KNDC1: variants seen among roughly 807,000 people sequenced by gnomAD.
KNDC1 encodes kinase non-catalytic C-lobe domain containing 1, also known as kinase non-catalytic C-lobe domain-containing protein 1.
A neutral mutation model predicts 172.8 loss-of-function variants in KNDC1; 106 were observed. The ratio of observed to expected loss-of-function variants is 0.61; its 90% CI spans 0.52 to 0.72. The LOEUF (loss-of-function observed/expected upper bound fraction) is 0.72. KNDC1 is among the 30% of genes least tolerant of loss of function. The pLI, the probability that KNDC1 is intolerant of heterozygous loss-of-function variation, is 0.00. For missense variants in KNDC1, 2,325 were observed against 2,394.5 expected (o/e 0.97, Z 0.61); for synonymous variants, 1,083 against 1,062.2 (o/e 1.02, Z -0.38).
chr10:133,205,475 G>A (rs1228007018), intron 17 of KNDC1, among the ~76,000 whole-genome samples: 8 of 152,352 alleles, frequency 5.3e-5, no homozygotes, highest in Middle Eastern at 3.4e-3. Context: ...GGCAGGTTCC[G>A]GAGAATCACA....
intron 26 of KNDC1, among the ~76,000 whole-genome samples, chr10:133,217,380 C>T (rs1338425835): frequency 6.6e-6 from 1 of 152,238 alleles, no homozygotes; most frequent in Non-Finnish European, 1.5e-5. Flanking sequence ...CGGGGTGAGC[C>T]CAGGATCACA....
In KNDC1 at chr10:133,207,397, G is replaced by A. The variant is rs772680626; in HGVS notation, c.3794+46G>A. 5 of 1,574,884 alleles carry A rather than the reference G, an allele frequency of 3.2e-6. No individual in the cohort carries two copies. The South Asian group carries it at 3.4e-5, about 11-fold the overall frequency. ...ACCCGGAAAAGGAGACGTAGCCCGG[G>A]GTGCTGAGAAGAGGGGGGGAACGTG... On this transcript the variant is annotated intron_variant, in intron 20 of 29. Transcript: ENST00000304613.
rs1393811815 is a variant in KNDC1, at chr10:133,184,236, TGC to T, written c.625+250_625+251del. 3.2e-4 allele frequency among the ~76,000 whole-genome samples: 30 copies of T among 94,090 alleles called. No individual in the cohort carries two copies. The South Asian group carries it at 9.5e-3, about 30-fold the overall frequency. 61.7% of individuals were successfully genotyped at this position (94,090 alleles called of 152,430 possible). ...GCACACACCCATGCACACACACCCA[TGC>T]GCACACACTGCACACACACGTTACA... On this transcript the variant is annotated intron_variant, in intron 5 of 29. Transcript: ENST00000304613.
intron 12 of KNDC1, 27 bp from the exon 13 acceptor site, chr10:133,198,310 C>T: frequency 6.5e-7 from 1 of 1,536,790 alleles, no homozygotes; most frequent in Non-Finnish European, 8.8e-7. Flanking sequence ...TCCGCCCGCC[C>T]ACACCCTCAG....
chr10:133,203,289 C>T (rs987791122), intron 17 of KNDC1, among the ~76,000 whole-genome samples: 2 of 144,252 alleles, frequency 1.4e-5, no homozygotes, highest in East Asian at 2.2e-4. Flanking sequence ...AAACTCACGG[C>T]GTCCAGCGGG....
chr10:133,207,770 A>G (rs1040876053), intron 20 of KNDC1, among the ~76,000 whole-genome samples: 3 of 152,168 alleles, frequency 2.0e-5, no homozygotes. Context: ...AGCCCCCTCC[A>G]CTCGGTGTGC....
At position 133,201,785 on chromosome 10, in the gene KNDC1, G is replaced by C; in HGVS notation, c.3274G>C (p.Gly1092Arg). The C allele has an allele frequency of 6.5e-7, 1 of 1,542,622 alleles. No homozygotes were observed. Among genetic ancestry groups the C allele is most frequent in the African/African-American group, 1.4e-5 (1 of 72,970 alleles). ...AGCCGGATTCCAGAGCTGCAGCCCC[G>C]GCTGGTGCAGCGCCTTCTACGAGGC... is the stretch of plus-strand genomic sequence containing the variant. ...GPAGFQSCSP[G>R]WCSAFYEADC... The change falls in exon 17 of 30, where the codon GGC becomes CGC. Residue 1092 changes from glycine to arginine, a missense_variant. By Grantham distance (125) the Gly-to-Arg change is moderately radical (BLOSUM62 -2). Transcript: ENST00000304613.
At position 133,207,582 on chromosome 10, in the gene KNDC1, C is replaced by A. The variant is rs1464144004; in HGVS notation, c.3794+231C>A. Among the ~76,000 whole-genome samples the A allele has an allele frequency of 2.0e-5, 3 of 152,250 alleles. No individual in the cohort carries two copies. In the East Asian group the frequency reaches 5.8e-4, roughly 29 times the overall value. On this transcript the variant is annotated intron_variant, in intron 20 of 29. Coordinates refer to ENST00000304613, the MANE Select transcript of KNDC1 (RefSeq NM_152643.8). ...GGCCTGGGCACCAGGTCTCAGGGTG[C>A]GCCTGGTGGTCCCCGGAGGTGCTGC... is the stretch of plus-strand genomic sequence containing the variant.
chr10:133,187,117 G>A (rs945649439), intron 6 of KNDC1, among the ~76,000 whole-genome samples: 1 of 152,244 alleles, frequency 6.6e-6, no homozygotes, highest in Non-Finnish European at 1.5e-5. Flanking sequence ...CAAAGCTGTG[G>A]GTTGAGCTTG....
chr10:133,219,220 G>A, intron 28 of KNDC1, 130 bp downstream of exon 28: 2 of 1,125,486 alleles, frequency 1.8e-6, no homozygotes, highest in Middle Eastern at 2.9e-4. Context: ...AGCCAGGGTG[G>A]CCTCACGGAG....
intron 29 of KNDC1, among the ~76,000 whole-genome samples, chr10:133,223,945 G>A (rs1321638263): frequency 7.0e-6 from 1 of 142,012 alleles, no homozygotes; most frequent in East Asian, 2.2e-4. Flanking sequence ...GTGTGTGTGT[G>A]TGTGTGAGCC....
Position 133,214,047 on chromosome 10 carries a change from G to C in KNDC1, c.4602G>C (p.Leu1534=). Reference sequence around the variant, plus strand: ...CCAATTACGTTCAGGACAAGTATCTGTTACAGCTTCTAAGAAACGCAGATG... The same window carrying C: ...CCAATTACGTTCAGGACAAGTATCTCTTACAGCTTCTAAGAAACGCAGATG... The part of the protein sequence containing the change: ...FLPNYVQDKY[L]LQLLRNADDV... Residue 1534 remains leucine (L), a synonymous_variant, in exon 26 of 30, where the codon CTG becomes CTC. Transcript: ENST00000304613. 6.2e-7 allele frequency: 1 copy of C among 1,614,198 alleles called. No individual in the cohort carries two copies. The highest frequency in any genetic ancestry group is 8.5e-7 in the Non-Finnish European group (1 of 1,180,008).
At chr10:133,218,166 A>C (rs1845506629) in intron 26 of KNDC1, among the ~76,000 whole-genome samples, 1 of 152,172 alleles carries the variant, frequency 6.6e-6, no homozygotes, top group Admixed American at 6.5e-5. Context: ...CCTCAGGGAC[A>C]GGCAGCTACA....
intron 23 of KNDC1, 39 bp from the exon 24 acceptor site, chr10:133,212,677 A>G: frequency 6.3e-7 from 1 of 1,575,070 alleles, no homozygotes; most frequent in Non-Finnish European, 8.7e-7. Flanking sequence ...CAGAGGGGAC[A>G]CGGAGCTTAG....
chr10:133,211,213 GCC>G (rs2136020806), intron 21 of KNDC1, among the ~76,000 whole-genome samples: 1 of 126,792 alleles, frequency 7.9e-6, no homozygotes, highest in African/African-American at 3.1e-5. Context: ...GCACCCCCTT[GCC>G]CCCACACGCC....
intron 28 of KNDC1, among the ~76,000 whole-genome samples, chr10:133,219,545 C>G (rs1845538190): frequency 1.3e-5 from 2 of 152,220 alleles, no homozygotes; most frequent in African/African-American, 4.8e-5. Context: ...GCCTCAAGCC[C>G]CAGCCACAGC....
At chr10:133,220,190 C>T in intron 29 of KNDC1, 78 bp downstream of exon 29, 1 of 1,131,986 alleles carries the variant, frequency 8.8e-7, no homozygotes, top group Non-Finnish European at 1.2e-6. Flanking sequence ...AGGAGGGGCT[C>T]AGGCGGCCGC....
chr10:133,163,696 A>C lies in KNDC1; in HGVS notation c.102+3127A>C, dbSNP rs1328446790. On this transcript the variant is annotated intron_variant, in intron 1 of 29. Coordinates refer to ENST00000304613, the MANE Select transcript of KNDC1 (RefSeq NM_152643.8). The surrounding 1 kb of genome is among the most constrained non-coding windows in gnomAD (Gnocchi z 4.4). Reference sequence around the variant, plus strand: ...GCGTCCCTGTGTAACCCTGGCTCGAAGTCTGCCTGGCAGTGTGGCGGGGGG... The same window carrying C: ...GCGTCCCTGTGTAACCCTGGCTCGACGTCTGCCTGGCAGTGTGGCGGGGGG... Among the ~76,000 whole-genome samples the C allele has an allele frequency of 1.3e-5, 2 of 152,134 alleles. No individual in the cohort carries two copies. Among genetic ancestry groups the C allele is most frequent in the Non-Finnish European group, 2.9e-5 (2 of 68,006 alleles).
chr10:133,189,171 G>A (rs1854008915), intron 7 of KNDC1, among the ~76,000 whole-genome samples: 1 of 152,178 alleles, frequency 6.6e-6, no homozygotes, highest in African/African-American at 2.4e-5. Flanking sequence ...AACGTCCTGG[G>A]GGTGATGAGG....
Sources: gnomAD v4.1 joint callset for allele counts (sites outside exome capture counted in the v4.1 genomes callset) on GRCh38, gnomAD v4.1.1 for gene constraint, Gnocchi (gnomAD v3.1) non-coding constraint, MANE v1.5 for transcripts, NCBI Gene and HGNC (gene_info 2026-07-23, HGNC 2026-07-21) for gene names.